Variants in NCALD observed in about 807,000 individuals in gnomAD.
The protein encoded by NCALD is neurocalcin delta, also known as neurocalcin-delta.
Under a neutral mutation model 18.6 loss-of-function variants are expected in NCALD, and 10 were observed. The observed-to-expected ratio is 0.54, with a 90% CI of 0.33 to 0.91. The LOEUF is 0.91. Among genes scored for constraint, NCALD ranks in the 40% least tolerant of loss-of-function variants. The pLI, the probability that NCALD is intolerant of heterozygous loss-of-function variation, is 0.03. For missense variants in NCALD, 184 were observed against 247.6 expected (o/e 0.74, Z 1.72); for synonymous variants, 88 against 87.4 (o/e 1.01, Z -0.04).
intron 1 of NCALD, among the ~76,000 whole-genome samples, chr8:101,759,548 T>C (rs1360547271): frequency 6.6e-6 from 1 of 152,188 alleles, no homozygotes; most frequent in Non-Finnish European, 1.5e-5. Context: ...CTTGAAGGTA[T>C]CCCAGGGACC....
intron 1 of NCALD, among the ~76,000 whole-genome samples, chr8:102,050,697 A>G (rs1823413322): frequency 1.4e-5 from 2 of 147,562 alleles, no homozygotes; most frequent in South Asian, 4.2e-4. Context: ...GTTTGTATAT[A>G]TAGCATATAC....
In NCALD at chr8:102,094,203, C is replaced by T. The variant is rs1413901012; in HGVS notation, c.-210+30034G>A. On this transcript the variant is annotated intron_variant, in intron 1 of 6. Coordinates refer to the NCALD transcript ENST00000311028. ...AATATTAGCCAGAGAGTTTTTACTT[C>T]TAAATTCTATTAAGAATACTATGAA... 1.3e-5 allele frequency among the ~76,000 whole-genome samples: 2 copies of T among 152,132 alleles called. 1 individual carries two copies.
rs1481142379 is a variant in NCALD at position 101,689,679 on chromosome 8, C to T, written c.485-273G>A. The stretch of plus-strand genomic sequence containing the variant: ...CCCACTGTGTGCCCGGCCCTGGGCC[C>T]GGGACTGGGGAGAGGGTGGTGGATG... On this transcript the variant is annotated intron_variant, in intron 3 of 3. Transcript: ENST00000220931. This position sits in a 1 kb window ranked among gnomAD's most constrained non-coding sequence, Gnocchi z 4.4. Among the ~76,000 whole-genome samples, 1 of 152,124 alleles carries T rather than the reference C, an allele frequency of 6.6e-6. No homozygotes were observed. The highest frequency in any genetic ancestry group is 1.5e-5 in the Non-Finnish European group (1 of 68,016).
intron 1 of NCALD, among the ~76,000 whole-genome samples, chr8:101,765,580 T>C (rs969394731): frequency 6.6e-6 from 1 of 152,234 alleles, no homozygotes; most frequent in African/African-American, 2.4e-5. Context: ...ATGCTCAGAA[T>C]AAGATTTGAT....
chr8:101,736,835 C>T (rs975112531), intron 1 of NCALD, among the ~76,000 whole-genome samples: 2 of 152,184 alleles, frequency 1.3e-5, no homozygotes, highest in Non-Finnish European at 2.9e-5. Flanking sequence ...GGCAACTTGT[C>T]ACCCATTCCC....
At chr8:101,892,112 T>C (rs1452549232) in intron 3 of NCALD, among the ~76,000 whole-genome samples, 1 of 151,440 alleles carries the variant, frequency 6.6e-6, no homozygotes, top group East Asian at 1.9e-4. Context: ...TAAATGTCCC[T>C]GTCTGACAGC....
intron 2 of NCALD, among the ~76,000 whole-genome samples, chr8:102,002,637 C>A (rs1821521305): frequency 6.6e-6 from 1 of 152,146 alleles, no homozygotes; most frequent in South Asian, 2.1e-4. Context: ...GTAAAGCACT[C>A]CTCAGCAAAT....
rs973680673 is a variant in NCALD at position 101,688,360 on chromosome 8, A to G, written c.*949T>C. On this transcript the variant is annotated 3_prime_UTR_variant, in exon 4 of 4. Transcript: ENST00000220931. ...TCAGGGTTACTTTGTATTTTTATGG[A>G]ATATATAAAATATACTTGTCGATTG... The G allele has an allele frequency of 2.8e-5, 6 of 215,480 alleles. No homozygotes were observed. Among genetic ancestry groups the G allele is most frequent in the African/African-American group, 1.4e-4 (6 of 43,310 alleles). The allele number at this position is 215,480 out of a possible 1,614,324, so 13.3% of individuals were successfully genotyped here. A position where few individuals can be genotyped will look rare whatever the true frequency, so the allele number is the denominator to read the frequency against.
chr8:101,764,038 G>T (rs1212945341), intron 1 of NCALD, among the ~76,000 whole-genome samples: 1 of 149,096 alleles, frequency 6.7e-6, no homozygotes, highest in Non-Finnish European at 1.5e-5. Context: ...TGTCTCTCAA[G>T]AGAACCTTAA....
chr8:102,014,022 G>A (rs62518510), intron 2 of NCALD, among the ~76,000 whole-genome samples: 2,006 of 152,262 alleles, frequency 0.013, 29 homozygotes, highest in Middle Eastern at 0.061. Flanking sequence ...CTGTGGGCCA[G>A]GTTTTTGAAG....
intron 2 of NCALD, among the ~76,000 whole-genome samples, chr8:101,716,650 G>A (rs993368974): frequency 5.3e-5 from 8 of 152,042 alleles, no homozygotes; most frequent in Non-Finnish European, 1.0e-4. Context: ...ACTGAACGAC[G>A]GCCCCCAAAG....
In NCALD at chr8:101,831,999, C is replaced by T. The variant is rs147261187; in HGVS notation, c.-20+55142G>A. On this transcript the variant is annotated intron_variant, in intron 4 of 6. Coordinates refer to the NCALD transcript ENST00000311028. ...TGTGTTTTGCCAGTGCAGATAAAGG[C>T]CTCTTAAGCAAACCAAACCTGCCTC... 2.6e-5 allele frequency among the ~76,000 whole-genome samples: 4 copies of T among 152,260 alleles called. No individual in the cohort carries two copies. In the East Asian group the frequency reaches 7.7e-4, roughly 29 times the overall value.
intron 2 of NCALD, among the ~76,000 whole-genome samples, chr8:101,952,241 C>T (rs570285653): frequency 6.6e-6 from 1 of 152,250 alleles, no homozygotes; most frequent in African/African-American, 2.4e-5. Context: ...TACAGGACTC[C>T]AAGTCTGTCC....
At chr8:101,795,146 T>A (rs1812591904), upstream of NCALD, among the ~76,000 whole-genome samples, 1 of 152,204 alleles carries the variant, frequency 6.6e-6, no homozygotes, top group South Asian at 2.1e-4. Context: ...GAGTTCTGTT[T>A]CCCACTATGA....
intron 2 of NCALD, among the ~76,000 whole-genome samples, chr8:102,001,302 G>A (rs1821456348): frequency 6.6e-6 from 1 of 152,208 alleles, no homozygotes; most frequent in Non-Finnish European, 1.5e-5. Flanking sequence ...TGAATGAAAT[G>A]AAGTGAGAAG....
chr8:101,898,822 ACTTT>A (rs1451417159), intron 3 of NCALD, among the ~76,000 whole-genome samples: 2 of 152,032 alleles, frequency 1.3e-5, no homozygotes, highest in Non-Finnish European at 2.9e-5. Context: ...GATTTCTCCT[ACTTT>A]ATTTTTCCTT....
chr8:101,756,785 T>G (rs1244311142), intron 1 of NCALD, among the ~76,000 whole-genome samples: 2 of 152,236 alleles, frequency 1.3e-5, no homozygotes, highest in Non-Finnish European at 1.5e-5. Flanking sequence ...AGAATATGGC[T>G]TGATATACAT....
At chr8:101,711,132 G>C (rs910008140) in intron 2 of NCALD, among the ~76,000 whole-genome samples, 3 of 152,166 alleles carry the variant, frequency 2.0e-5, no homozygotes, top group Non-Finnish European at 4.4e-5. Context: ...ACAGGATCTA[G>C]AGAGAACCCC....
At chr8:101,865,776 T>C (rs1214064208) in intron 4 of NCALD, among the ~76,000 whole-genome samples, 2 of 152,198 alleles carry the variant, frequency 1.3e-5, no homozygotes, top group Non-Finnish European at 2.9e-5. Context: ...CTCAGTGTCA[T>C]TGTATTTCTG....
Sources: allele counts gnomAD v4.1 joint callset (sites outside exome capture counted in the v4.1 genomes callset), GRCh38; gene constraint gnomAD v4.1.1; non-coding constraint Gnocchi (gnomAD v3.1); transcripts MANE v1.5; gene names NCBI Gene and HGNC (gene_info 2026-07-23, HGNC 2026-07-21).